RORB: variants seen among roughly 807,000 people sequenced by gnomAD.
RORB encodes nuclear receptor ROR-beta.
Under a neutral mutation model 59.1 loss-of-function variants are expected in RORB, and 6 were observed. The ratio of observed to expected loss-of-function variants is 0.10; its 90% CI spans 0.06 to 0.20. RORB has a LOEUF of 0.20. Among genes scored for constraint, RORB ranks in the 10% least tolerant of loss-of-function variants. The pLI is 1.00. For synonymous variants in RORB, 215 were observed against 204.5 expected (o/e 1.05, Z -0.44); for missense variants, 320 against 560.5 (o/e 0.57, Z 4.33).
At chr9:74,670,719 T>C (rs1041644456) in intron 8 of RORB, among the ~76,000 whole-genome samples, 5 of 152,190 alleles carry the variant, frequency 3.3e-5, no homozygotes, top group African/African-American at 1.2e-4. Context: ...CCCCCTATTC[T>C]TTCTCCAGGG....
chr9:74,547,821 G>C (rs1422978388), intron 1 of RORB, among the ~76,000 whole-genome samples: 2 of 152,142 alleles, frequency 1.3e-5, no homozygotes, highest in African/African-American at 4.8e-5. Flanking sequence ...AAGTAAAATA[G>C]GAATTCATTC....
chr9:74,535,421 GT>G, intron 1 of RORB, among the ~76,000 whole-genome samples: 1 of 152,082 alleles, frequency 6.6e-6, no homozygotes, highest in South Asian at 2.1e-4. Flanking sequence ...TTCCAGGGCT[GT>G]GCCTAGGATG....
chr9:74,526,883 C>T (rs538528550), intron 1 of RORB, among the ~76,000 whole-genome samples: 1 of 152,068 alleles, frequency 6.6e-6, no homozygotes, highest in South Asian at 2.1e-4. Context: ...GCATCAGGCT[C>T]TATCACTGGA....
chr9:74,549,693 T>C (rs1306840378), intron 1 of RORB, among the ~76,000 whole-genome samples: 1 of 151,680 alleles, frequency 6.6e-6, no homozygotes, highest in Non-Finnish European at 1.5e-5. Flanking sequence ...TTTTGACTGC[T>C]TGTAGGATTA....
At chr9:74,595,487 TA>T in intron 1 of RORB, among the ~76,000 whole-genome samples, 1 of 152,354 alleles carries the variant, frequency 6.6e-6, no homozygotes, top group East Asian at 1.9e-4. Flanking sequence ...CATTCTCAAG[TA>T]TTTAAGAAAC....
intron 1 of RORB, among the ~76,000 whole-genome samples, chr9:74,588,986 A>G (rs1447920599): frequency 6.6e-6 from 1 of 152,180 alleles, no homozygotes; most frequent in Non-Finnish European, 1.5e-5. Context: ...CTTCATGTTC[A>G]TGCTTAGGAA....
intron 1 of RORB, among the ~76,000 whole-genome samples, chr9:74,545,318 C>G (rs1826471884): frequency 6.6e-6 from 1 of 152,114 alleles, no homozygotes; most frequent in Admixed American, 6.6e-5. Flanking sequence ...GTTGGTAGTT[C>G]TAGTTGGAGT....
At chr9:74,584,856 A>G (rs532762871) in intron 1 of RORB, among the ~76,000 whole-genome samples, 4 of 152,216 alleles carry the variant, frequency 2.6e-5, no homozygotes, top group Non-Finnish European at 5.9e-5. Flanking sequence ...GTGGATAGCC[A>G]GTTATGCTAA....
intron 1 of RORB, 90 bp from the exon 2 acceptor site, chr9:74,630,192 C>T: frequency 6.6e-7 from 1 of 1,512,602 alleles, no homozygotes; most frequent in Non-Finnish European, 8.9e-7. Context: ...ATACAAACAT[C>T]AAGGCAGAGA....
chr9:74,591,630 T>C (rs899352423), intron 1 of RORB, among the ~76,000 whole-genome samples: 5 of 152,154 alleles, frequency 3.3e-5, no homozygotes, highest in African/African-American at 1.2e-4. Flanking sequence ...ATTGAGATAA[T>C]AAGTAGATGC....
intron 1 of RORB, among the ~76,000 whole-genome samples, chr9:74,517,748 G>GA (rs1439196501): frequency 2.0e-5 from 3 of 151,786 alleles, no homozygotes; most frequent in Non-Finnish European, 4.4e-5. Flanking sequence ...AATGATCTTG[G>GA]AAAAAATATT....
chr9:74,554,383 T>G (rs1440720975), intron 1 of RORB, among the ~76,000 whole-genome samples: 1 of 152,120 alleles, frequency 6.6e-6, no homozygotes, highest in Non-Finnish European at 1.5e-5. Flanking sequence ...CTATCCTACA[T>G]CAGGGAAAGA....
intron 1 of RORB, among the ~76,000 whole-genome samples, chr9:74,566,900 C>T (rs936040396): frequency 5.3e-5 from 8 of 152,192 alleles, no homozygotes; most frequent in Admixed American, 2.6e-4. Context: ...GCCATACTGA[C>T]GTTGTCATTT....
intron 1 of RORB, among the ~76,000 whole-genome samples, chr9:74,545,807 G>GT (rs58788419): frequency 0.38 from 56,724 of 150,092 alleles, 11,119 homozygotes; most frequent in East Asian, 0.83. Context: ...TTACCTGACA[G>GT]TTTTTTTTTT....
chr9:74,648,030 G>C (rs1823928010), intron 4 of RORB, among the ~76,000 whole-genome samples: 1 of 152,188 alleles, frequency 6.6e-6, no homozygotes, highest in African/African-American at 2.4e-5. Context: ...TATATTTCCT[G>C]TGTCCTGTGA....
At chr9:74,614,951 G>A (rs1042133577) in intron 1 of RORB, among the ~76,000 whole-genome samples, 11 of 152,120 alleles carry the variant, frequency 7.2e-5, no homozygotes, top group South Asian at 2.1e-4. Context: ...TGTGGGGCCC[G>A]GTGAGGTCAC....
At chr9:74,522,207 A>G (rs1826093914) in intron 1 of RORB, among the ~76,000 whole-genome samples, 1 of 151,762 alleles carries the variant, frequency 6.6e-6, no homozygotes. Context: ...AATTTGTTTT[A>G]CATTTTCAGC....
intron 1 of RORB, among the ~76,000 whole-genome samples, chr9:74,569,297 A>G (rs1399953036): frequency 2.0e-5 from 3 of 152,152 alleles, no homozygotes; most frequent in African/African-American, 7.2e-5. Flanking sequence ...AATACATGAG[A>G]TGCTTTTTTT....
intron 4 of RORB, among the ~76,000 whole-genome samples, chr9:74,659,055 C>T (rs188714951): frequency 6.6e-6 from 1 of 152,262 alleles, no homozygotes; most frequent in Non-Finnish European, 1.5e-5. Flanking sequence ...AATTGTATCT[C>T]CATTGGAGTC....
Sources: gnomAD v4.1 joint callset for allele counts (sites outside exome capture counted in the v4.1 genomes callset) on GRCh38, gnomAD v4.1.1 for gene constraint, MANE v1.5 for transcripts, NCBI Gene and HGNC (gene_info 2026-07-23, HGNC 2026-07-21) for gene names.